The following CLDN14 variants were observed in gnomAD, a reference collection of about 807,000 sequenced individuals.
The protein encoded by CLDN14 is claudin-14.
In CLDN14, 2 loss-of-function variants were observed where a neutral mutation model predicts 2.1. The observed-to-expected ratio is 0.96, with a 90% CI of 0.39 to 3.01. CLDN14 has a LOEUF of 3.01. Among genes scored for constraint, CLDN14 ranks in the 30% most tolerant of loss-of-function variants. CLDN14 has a pLI of 0.09. For synonymous variants in CLDN14, 136 were observed against 154.4 expected, an observed-to-expected ratio of 0.88 and a Z score of 0.88; for missense variants, 298 against 328.0, an observed-to-expected ratio of 0.91 and a Z score of 0.71.
chr21:36,512,546 C>T (rs142241384), intron 1 of CLDN14, among the ~76,000 whole-genome samples: 238 of 152,222 alleles, frequency 1.6e-3, no homozygotes, highest in African/African-American at 5.3e-3. Flanking sequence ...ATCCACTCTC[C>T]GGAATAATAT....
At chr21:36,461,857 G>A (rs181629254) in intron 1 of CLDN14, 81 bp from the exon 2 acceptor site, 43 of 994,920 alleles carry the variant, frequency 4.3e-5, no homozygotes, top group Middle Eastern at 3.3e-4. Context: ...TTCTGTCACC[G>A]AAACCAAGTT....
chr21:36,480,007 A>G lies in CLDN14; in HGVS notation c.-594T>C, dbSNP rs1381466879. The G allele has an allele frequency of 6.6e-6, 1 of 152,260 alleles. No homozygotes were observed. Among genetic ancestry groups the G allele is most frequent in the Non-Finnish European group, 1.5e-5 (1 of 68,108 alleles). The allele number at this position is 152,260 out of a possible 1,614,324, so 9.4% of individuals were successfully genotyped here. ...TGGAACTGCCTGATTGTTGTAGATT[A>G]CTAAAAATCCACAGCTCATTCCCTC... On this transcript the variant is annotated 5_prime_UTR_variant, in exon 1 of 2. Coordinates refer to ENST00000399135, the MANE Select transcript of CLDN14 (RefSeq NM_001146079.2).
In CLDN14 at chr21:36,572,292, G is replaced by A. The variant is rs1006986325; in HGVS notation, c.-220+4119C>T. Among the ~76,000 whole-genome samples the A allele has an allele frequency of 3.9e-5, 6 of 152,150 alleles. No individual in the cohort carries two copies. In the South Asian group the frequency reaches 6.2e-4, roughly 16 times the overall value. ...GGTTGTGTGTGTGTGTGAACTGCGC[G>A]TGCTCCCCAAACAGGAAGACCCCAA... On this transcript the variant is annotated intron_variant, in intron 1 of 2. Transcript: ENST00000342108.
intron 1 of CLDN14, among the ~76,000 whole-genome samples, chr21:36,529,155 A>G (rs1201012312): frequency 6.6e-6 from 1 of 152,252 alleles, no homozygotes; most frequent in Non-Finnish European, 1.5e-5. Context: ...CTTTTGGTAC[A>G]AAGGGTTTTC....
chr21:36,497,821 G>A (rs1320568459), intron 2 of CLDN14, among the ~76,000 whole-genome samples: 2 of 152,090 alleles, frequency 1.3e-5, no homozygotes, highest in Non-Finnish European at 1.5e-5. Flanking sequence ...TCCTTGGCCG[G>A]TGGCTTCAGT....
chr21:36,468,664 C>T (rs567082524), intron 1 of CLDN14, among the ~76,000 whole-genome samples: 11 of 152,198 alleles, frequency 7.2e-5, no homozygotes, highest in African/African-American at 2.7e-4. Context: ...ATTAGCAAAA[C>T]TACCTAACAC....
Position 36,498,092 on chromosome 21 carries a change from C to G in CLDN14, c.-82+12271G>C, listed in dbSNP as rs374646008. On this transcript the variant is annotated intron_variant, in intron 2 of 2. Transcript: ENST00000342108. This position sits in a 1 kb window ranked among gnomAD's most constrained non-coding sequence, Gnocchi z 4.9. The stretch of plus-strand genomic sequence containing the variant: ...TTGGCTCACTGCAACCTCCACCGCC[C>G]GGGGTTCAAGCGATTCTCCTGTCTC... 6.6e-6 allele frequency among the ~76,000 whole-genome samples: 1 copy of G among 152,018 alleles called. No individual in the cohort carries two copies. The highest frequency in any genetic ancestry group is 1.5e-5 in the Non-Finnish European group (1 of 67,996).
At chr21:36,496,280 T>A (rs4637212) in intron 2 of CLDN14, among the ~76,000 whole-genome samples, 1 of 151,262 alleles carries the variant, frequency 6.6e-6, no homozygotes, top group East Asian at 2.0e-4. Context: ...TACAAAAAAA[T>A]ACAAAAATTA....
chr21:36,531,863 T>TAC (rs781159781), intron 1 of CLDN14: 4 of 152,200 alleles, frequency 2.6e-5, no homozygotes, highest in Non-Finnish European at 5.9e-5. Flanking sequence ...GTCAAGCGGA[T>TAC]TCTGGAGAAG....
At chr21:36,503,533 C>T (rs2087106583) in intron 2 of CLDN14, among the ~76,000 whole-genome samples, 1 of 152,180 alleles carries the variant, frequency 6.6e-6, no homozygotes, top group African/African-American at 2.4e-5. Context: ...TTGCCTGTCG[C>T]CATCCATGTA....
chr21:36,564,204 T>C (rs2087656907), intron 1 of CLDN14, among the ~76,000 whole-genome samples: 1 of 152,248 alleles, frequency 6.6e-6, no homozygotes, highest in South Asian at 2.1e-4. Flanking sequence ...AAATTTTCCA[T>C]AGAAATCTGG....
intron 1 of CLDN14, among the ~76,000 whole-genome samples, chr21:36,548,840 G>C (rs399711): frequency 0.83 from 126,545 of 152,048 alleles, 53,157 homozygotes; most frequent in Non-Finnish European, 0.9. Context: ...CATGAGAAAG[G>C]GGAAATGTCT....
chr21:36,515,015 A>G (rs2087216644), intron 1 of CLDN14, among the ~76,000 whole-genome samples: 1 of 152,106 alleles, frequency 6.6e-6, no homozygotes, highest in African/African-American at 2.4e-5. Context: ...CCCACTTTAT[A>G]CCTGTTAGGA....
At chr21:36,545,930 C>T (rs2087523391) in intron 1 of CLDN14, among the ~76,000 whole-genome samples, 1 of 152,198 alleles carries the variant, frequency 6.6e-6, no homozygotes, top group Non-Finnish European at 1.5e-5. Context: ...CACCAAGGTC[C>T]TGCAAGAGCC....
intron 1 of CLDN14, among the ~76,000 whole-genome samples, chr21:36,563,248 A>G (rs920781343): frequency 1.3e-5 from 2 of 152,196 alleles, no homozygotes; most frequent in African/African-American, 2.4e-5. Flanking sequence ...TGCAGGTAAT[A>G]TGGGAAAAAG....
At chr21:36,468,147 C>T (rs186390705) in intron 1 of CLDN14, among the ~76,000 whole-genome samples, 3 of 152,302 alleles carry the variant, frequency 2.0e-5, no homozygotes, top group Admixed American at 6.5e-5. Context: ...AAATGAAGTG[C>T]CACCTTCAAA....
intron 1 of CLDN14, among the ~76,000 whole-genome samples, chr21:36,555,855 G>GAA (rs1182801781): frequency 3.3e-5 from 5 of 150,726 alleles, no homozygotes; most frequent in African/African-American, 1.2e-4. Context: ...GTGTGTGAGA[G>GAA]AGAGAGAGTG....
chr21:36,529,293 T>G (rs571787809), intron 1 of CLDN14, among the ~76,000 whole-genome samples: 1 of 149,238 alleles, frequency 6.7e-6, no homozygotes, highest in East Asian at 1.9e-4. Flanking sequence ...AAACCACATC[T>G]TTTTTTTTTG....
chr21:36,567,392 G>A (rs191977037), intron 1 of CLDN14, among the ~76,000 whole-genome samples: 1 of 152,336 alleles, frequency 6.6e-6, no homozygotes, highest in East Asian at 1.9e-4. Flanking sequence ...TCCAAGGGGA[G>A]CCAACCGCAG....
Sources: gnomAD v4.1 joint callset for allele counts (sites outside exome capture counted in the v4.1 genomes callset) on GRCh38, gnomAD v4.1.1 for gene constraint, Gnocchi (gnomAD v3.1) non-coding constraint, MANE v1.5 for transcripts, NCBI Gene and HGNC (gene_info 2026-07-23, HGNC 2026-07-21) for gene names.